FAT3: variants seen among roughly 807,000 people sequenced by gnomAD.
FAT3 encodes the protein protocadherin Fat 3.
In FAT3, 95 loss-of-function variants were observed where a neutral mutation model predicts 310.2. The observed-to-expected ratio is 0.31, with a 90% CI of 0.26 to 0.36. The LOEUF (loss-of-function observed/expected upper bound fraction) is 0.36. Ranked by LOEUF, FAT3 falls within the 10% of genes least tolerant of loss-of-function variation. The pLI, the probability that FAT3 is intolerant of heterozygous loss-of-function variation, is 1.00. For missense variants in FAT3, 5,408 were observed against 5,715.6 expected, an observed-to-expected ratio of 0.95 and a Z score of 1.74; for synonymous variants, 2,314 against 2,192.9, an observed-to-expected ratio of 1.06 and a Z score of -1.54.
chr11:92,265,651 AG>A (rs1945921940), intron 1 of FAT3, among the ~76,000 whole-genome samples: 1 of 152,084 alleles, frequency 6.6e-6, no homozygotes, highest in Non-Finnish European at 1.5e-5. Flanking sequence ...ACAGTCCTGG[AG>A]GCTGGTAAGT....
intron 4 of FAT3, among the ~76,000 whole-genome samples, chr11:92,705,812 G>A (rs1591630991): frequency 1.0e-4 from 15 of 146,690 alleles, no homozygotes; most frequent in African/African-American, 3.8e-4. Context: ...GGTGTTGGTG[G>A]TGGTGTGATG....
chr11:92,317,806 T>G (rs1947502443), intron 1 of FAT3, among the ~76,000 whole-genome samples: 1 of 152,196 alleles, frequency 6.6e-6, no homozygotes. Flanking sequence ...CTGCTGGTCT[T>G]GAGCAGTTTT....
At chr11:92,437,697 G>A (rs1223488953) in intron 2 of FAT3, among the ~76,000 whole-genome samples, 1 of 152,160 alleles carries the variant, frequency 6.6e-6, no homozygotes, top group African/African-American at 2.4e-5. Context: ...AGAGAATTGA[G>A]GGTCTTAATG....
intron 3 of FAT3, among the ~76,000 whole-genome samples, chr11:92,691,191 G>A (rs1032874612): frequency 3.3e-5 from 5 of 152,042 alleles, no homozygotes; most frequent in Admixed American, 1.3e-4. Flanking sequence ...GATGCATTAC[G>A]ACTTTCCTAG....
intron 3 of FAT3, among the ~76,000 whole-genome samples, chr11:92,632,960 C>T (rs1941607562): frequency 6.6e-6 from 1 of 152,186 alleles, no homozygotes; most frequent in Non-Finnish European, 1.5e-5. Context: ...GCCCCTGATC[C>T]TTGTTCTCAT....
At chr11:92,414,886 T>A (rs149604888) in intron 2 of FAT3, among the ~76,000 whole-genome samples, 93 of 151,986 alleles carry the variant, frequency 6.1e-4, no homozygotes, top group African/African-American at 2.1e-3. Context: ...GGCAGGCGCC[T>A]GTAGTCCCAG....
intron 2 of FAT3, among the ~76,000 whole-genome samples, chr11:92,416,932 G>A (rs1012553702): frequency 2.6e-5 from 4 of 152,188 alleles, no homozygotes; most frequent in Admixed American, 6.5e-5. Context: ...GATGTGGGAA[G>A]TTAGGCAGTA....
chr11:92,432,160 CT>C (rs1335791403), intron 2 of FAT3, among the ~76,000 whole-genome samples: 1 of 152,066 alleles, frequency 6.6e-6, no homozygotes, highest in Non-Finnish European at 1.5e-5. Context: ...TGTTTGTATC[CT>C]CTTTTATTTC....
chr11:92,480,032 G>A (rs1054979575), intron 2 of FAT3, among the ~76,000 whole-genome samples: 7 of 152,178 alleles, frequency 4.6e-5, no homozygotes, highest in African/African-American at 1.7e-4. Flanking sequence ...TTGGGAGGCT[G>A]AGGCAGGCGG....
chr11:92,352,205 G>A lies in FAT3; in HGVS notation c.93G>A (p.Gln31=), dbSNP rs746482920. 1.5e-6 allele frequency: 2 copies of A among 1,378,222 alleles called. No homozygotes were observed. The highest frequency in any genetic ancestry group is 1.9e-6 in the Non-Finnish European group (2 of 1,029,492). The allele number at this position is 1,378,222 out of a possible 1,614,324, so 85.4% of individuals were successfully genotyped here. A position where few individuals can be genotyped will look rare whatever the true frequency, so the allele number is the denominator to read the frequency against. Residue 31 remains glutamine (Q), a synonymous_variant, in exon 2 of 28, where the codon CAG becomes CAA. Transcript: ENST00000525166. The part of the protein sequence containing the change: ...LLFKLLATVS[Q]GLPGTGPLGF... ...TCAAGCTTTTGGCCACTGTCTCCCAGGGGCTGCCAGGGACTGGACCCCTGG... is the reference window on the plus strand; with the variant it reads ...TCAAGCTTTTGGCCACTGTCTCCCAAGGGCTGCCAGGGACTGGACCCCTGG...
At chr11:92,231,193 C>A (rs997911021) in intron 1 of FAT3, among the ~76,000 whole-genome samples, 1 of 152,082 alleles carries the variant, frequency 6.6e-6, no homozygotes, top group Admixed American at 6.5e-5. Flanking sequence ...TATTCTTAGT[C>A]CTCTGTTTTC....
intron 26 of FAT3, 127 bp from the exon 27 acceptor site, chr11:92,889,729 G>T: frequency 1.5e-6 from 1 of 647,034 alleles, no homozygotes; most frequent in Admixed American, 2.4e-5. Context: ...AATAAAAAAG[G>T]CTAAACTTAG....
chr11:92,311,415 A>C (rs1409124660), intron 1 of FAT3, among the ~76,000 whole-genome samples: 1 of 152,152 alleles, frequency 6.6e-6, no homozygotes, highest in Admixed American at 6.5e-5. Flanking sequence ...GTTACAGTCT[A>C]TCTCTATTTA....
chr11:92,245,588 A>G (rs2134263400), intron 1 of FAT3, among the ~76,000 whole-genome samples: 1 of 152,244 alleles, frequency 6.6e-6, no homozygotes, highest in South Asian at 2.1e-4. Flanking sequence ...CTGGAGAGGG[A>G]TTGTCCAACA....
intron 4 of FAT3, among the ~76,000 whole-genome samples, chr11:92,735,988 G>A (rs1256230015): frequency 6.6e-6 from 1 of 152,160 alleles, no homozygotes; most frequent in African/African-American, 2.4e-5. Context: ...AGGTTGTACA[G>A]CTCAGAAGCA....
intron 2 of FAT3, among the ~76,000 whole-genome samples, chr11:92,507,835 A>G (rs1407289562): frequency 1.3e-5 from 2 of 151,864 alleles, no homozygotes; most frequent in Non-Finnish European, 2.9e-5. Flanking sequence ...TATAACACAC[A>G]CGCACACCCT....
intron 19 of FAT3, among the ~76,000 whole-genome samples, chr11:92,845,540 T>C (rs1175885393): frequency 6.6e-6 from 1 of 151,934 alleles, no homozygotes; most frequent in African/African-American, 2.4e-5. Flanking sequence ...GTAACTGGAG[T>C]CACTGAACTT....
chr11:92,675,078 T>G (rs1166790458), intron 3 of FAT3, among the ~76,000 whole-genome samples: 1 of 152,290 alleles, frequency 6.6e-6, no homozygotes, highest in African/African-American at 2.4e-5. Flanking sequence ...AAAGGTGCCC[T>G]GAGGATTCAT....
intron 7 of FAT3, among the ~76,000 whole-genome samples, chr11:92,781,394 A>T (rs545190397): frequency 9.9e-5 from 15 of 151,698 alleles, no homozygotes; most frequent in Admixed American, 3.9e-4. Context: ...TATTTTCCCT[A>T]TAACTCTGGG....
Sources: gnomAD v4.1 joint callset for allele counts (sites outside exome capture counted in the v4.1 genomes callset) on GRCh38, gnomAD v4.1.1 for gene constraint, MANE v1.5 for transcripts, NCBI Gene and HGNC (gene_info 2026-07-23, HGNC 2026-07-21) for gene names.